The following LRRC49 variants were observed in gnomAD, a reference collection of about 807,000 sequenced individuals.
The protein encoded by LRRC49 is leucine rich repeat containing 49, also known as leucine-rich repeat-containing protein 49.
A neutral mutation model predicts 83.3 loss-of-function variants in LRRC49; 50 were observed. The ratio of observed to expected loss-of-function variants is 0.60; its 90% CI spans 0.48 to 0.76. The LOEUF (loss-of-function observed/expected upper bound fraction) is 0.76. LRRC49 is among the 30% of genes least tolerant of loss of function. The probability of loss-of-function intolerance (pLI) is 0.00; values close to 1 mark genes in which losing one functional copy is unlikely to be tolerated. For missense variants in LRRC49, 704 were observed against 809.1 expected, an observed-to-expected ratio of 0.87 and a Z score of 1.58; for synonymous variants, 286 against 283.3, an observed-to-expected ratio of 1.01 and a Z score of -0.10.
chr15:70,955,836 G>A (rs1383735486), intron 8 of LRRC49, among the ~76,000 whole-genome samples: 1 of 151,864 alleles, frequency 6.6e-6, no homozygotes, highest in Non-Finnish European at 1.5e-5. Flanking sequence ...TTCTTTAACT[G>A]TGCATTACTC....
intron 7 of LRRC49, among the ~76,000 whole-genome samples, chr15:70,931,193 G>A (rs987865741): frequency 1.6e-4 from 25 of 152,248 alleles, no homozygotes; most frequent in Middle Eastern, 3.4e-3. Context: ...AGAGACCATT[G>A]TAGGGGTTAT....
chr15:70,954,174 T>C (rs2036318357), intron 8 of LRRC49, among the ~76,000 whole-genome samples: 1 of 152,182 alleles, frequency 6.6e-6, no homozygotes, highest in Non-Finnish European at 1.5e-5. Flanking sequence ...GGATTACAGG[T>C]GTGAGCCACC....
At chr15:70,988,223 G>A (rs1198596739) in intron 11 of LRRC49, among the ~76,000 whole-genome samples, 1 of 151,288 alleles carries the variant, frequency 6.6e-6, no homozygotes, top group Non-Finnish European at 1.5e-5. Context: ...TCTGTCTAAT[G>A]TTGACAGTGG....
At chr15:70,988,181 TG>T (rs1298069131) in intron 11 of LRRC49, among the ~76,000 whole-genome samples, 1 of 151,592 alleles carries the variant, frequency 6.6e-6, no homozygotes, top group East Asian at 1.9e-4. Context: ...GTTCAATTCC[TG>T]GGTATCCTTG....
At chr15:70,952,355 TA>T (rs1319269616) in intron 8 of LRRC49, among the ~76,000 whole-genome samples, 5 of 152,116 alleles carry the variant, frequency 3.3e-5, no homozygotes, top group African/African-American at 1.2e-4. Context: ...CTTCTTTGTA[TA>T]TCTGGTAGAA....
chr15:70,959,397 A>G (rs1278285145), intron 8 of LRRC49, among the ~76,000 whole-genome samples: 1 of 151,974 alleles, frequency 6.6e-6, no homozygotes. Context: ...AGGCCGAGGC[A>G]GGAAAATCGC....
At chr15:70,961,939 C>T (rs78648927) in intron 8 of LRRC49, among the ~76,000 whole-genome samples, 4,488 of 152,074 alleles carry the variant, frequency 0.03, 225 homozygotes, top group African/African-American at 0.1. Flanking sequence ...GAATGCAGAC[C>T]GACAAGAGAA....
chr15:71,023,964 G>A (rs2039076975), intron 14 of LRRC49, among the ~76,000 whole-genome samples: 1 of 152,196 alleles, frequency 6.6e-6, no homozygotes, highest in South Asian at 2.1e-4. Flanking sequence ...TGCCATCACT[G>A]CATCTGACTG....
chr15:70,987,454 T>G (rs1010178335), intron 11 of LRRC49, among the ~76,000 whole-genome samples: 3 of 152,226 alleles, frequency 2.0e-5, no homozygotes, highest in Non-Finnish European at 4.4e-5. Flanking sequence ...TGATGGCAAT[T>G]TGTATTTCTG....
At chr15:71,013,695 C>T (rs746218329) in intron 14 of LRRC49, among the ~76,000 whole-genome samples, 1 of 152,170 alleles carries the variant, frequency 6.6e-6, no homozygotes, top group African/African-American at 2.4e-5. Flanking sequence ...ACAGATCATA[C>T]AAGTCACTCT....
At chr15:70,899,326 C>T (rs757875147) in intron 3 of LRRC49, among the ~76,000 whole-genome samples, 3 of 152,060 alleles carry the variant, frequency 2.0e-5, no homozygotes, top group Non-Finnish European at 4.4e-5. Context: ...CTTTAGTTGA[C>T]CAATTAATCT....
chr15:71,011,793 C>T (rs1163909463), intron 13 of LRRC49, among the ~76,000 whole-genome samples: 1 of 152,082 alleles, frequency 6.6e-6, no homozygotes, highest in Non-Finnish European at 1.5e-5. Context: ...AGAGAGTTAG[C>T]CTGCACTGAT....
At chr15:70,916,383 C>T (rs1003261361) in intron 6 of LRRC49, among the ~76,000 whole-genome samples, 1 of 152,152 alleles carries the variant, frequency 6.6e-6, no homozygotes, top group Non-Finnish European at 1.5e-5. Flanking sequence ...CAACCTCTGC[C>T]TCCTGGGTTC....
At chr15:70,983,326 T>C (rs1413540650) in intron 10 of LRRC49, among the ~76,000 whole-genome samples, 1 of 152,180 alleles carries the variant, frequency 6.6e-6, no homozygotes, top group Non-Finnish European at 1.5e-5. Context: ...GTGAGGTTCA[T>C]GAACTAGCAA....
At chr15:71,017,847 A>G (rs1440725526) in intron 14 of LRRC49, among the ~76,000 whole-genome samples, 1 of 152,190 alleles carries the variant, frequency 6.6e-6, no homozygotes, top group Non-Finnish European at 1.5e-5. Flanking sequence ...TTTTAGTACT[A>G]GGAATATATT....
intron 1 of LRRC49, among the ~76,000 whole-genome samples, chr15:70,868,889 A>T (rs2032967258): frequency 6.6e-6 from 1 of 152,252 alleles, no homozygotes; most frequent in Non-Finnish European, 1.5e-5. Flanking sequence ...TTTAGAAAAC[A>T]AATTGGCAGT....
intron 6 of LRRC49, among the ~76,000 whole-genome samples, chr15:70,917,951 C>G (rs1226215523): frequency 6.6e-6 from 1 of 152,214 alleles, no homozygotes; most frequent in Admixed American, 6.5e-5. Flanking sequence ...TGTGGCCCTT[C>G]AGGTCACCTA....
chr15:70,891,825 T>G (rs200690942), upstream of LRRC49: 1 of 1,541,276 alleles, frequency 6.5e-7, no homozygotes, highest in East Asian at 2.3e-5. Flanking sequence ...TTACACAACC[T>G]TCGGTGGTCT....
intron 8 of LRRC49, among the ~76,000 whole-genome samples, chr15:70,959,278 A>G (rs1315812561): frequency 6.6e-6 from 1 of 152,124 alleles, no homozygotes; most frequent in Non-Finnish European, 1.5e-5. Context: ...GGATCACCTG[A>G]GGTCAGGAGT....
Sources: gnomAD v4.1 joint callset for allele counts (sites outside exome capture counted in the v4.1 genomes callset) on GRCh38, gnomAD v4.1.1 for gene constraint, MANE v1.5 for transcripts, NCBI Gene and HGNC (gene_info 2026-07-23, HGNC 2026-07-21) for gene names.